The following BRINP3 variants were observed in gnomAD, a reference collection of about 807,000 sequenced individuals.
BRINP3 encodes the protein BMP/retinoic acid inducible neural specific 3, also known as BMP/retinoic acid-inducible neural-specific protein 3.
BRINP3 carries 19 observed loss-of-function variants against 71.0 expected under a neutral mutation model. The observed-to-expected ratio is 0.27, with a 90% CI of 0.19 to 0.39. The LOEUF is 0.39. BRINP3 is among the 10% of genes least tolerant of loss of function. The pLI, the probability that BRINP3 is intolerant of heterozygous loss-of-function variation, is 1.00. For missense variants in BRINP3, 959 were observed against 940.8 expected (o/e 1.02, Z -0.25); for synonymous variants, 380 against 337.7 (o/e 1.13, Z -1.37).
At chr1:190,458,700 G>A (rs767295710) in intron 1 of BRINP3, among the ~76,000 whole-genome samples, 6 of 151,884 alleles carry the variant, frequency 4.0e-5, no homozygotes, top group Non-Finnish European at 5.9e-5. Context: ...TGACAAGTGA[G>A]GTGAACAGCT....
At chr1:190,396,197 A>T (rs538869649) in intron 2 of BRINP3, among the ~76,000 whole-genome samples, 149 of 152,102 alleles carry the variant, frequency 9.8e-4, no homozygotes, top group Non-Finnish European at 1.9e-3. Context: ...CTAGTAAATG[A>T]GTAATGCTGG....
chr1:190,204,382 A>G (rs1655304740), intron 6 of BRINP3, among the ~76,000 whole-genome samples: 1 of 152,026 alleles, frequency 6.6e-6, no homozygotes, highest in Non-Finnish European at 1.5e-5. Context: ...ATAATAAAAA[A>G]TATTTATTTT....
intron 4 of BRINP3, among the ~76,000 whole-genome samples, chr1:190,235,677 T>C (rs1230239834): frequency 6.6e-6 from 1 of 151,980 alleles, no homozygotes; most frequent in Non-Finnish European, 1.5e-5. Context: ...TTCTAGTACC[T>C]GGAACGTTCT....
intron 7 of BRINP3, among the ~76,000 whole-genome samples, chr1:190,104,472 T>A (rs1473519042): frequency 6.6e-6 from 1 of 152,084 alleles, no homozygotes; most frequent in Non-Finnish European, 1.5e-5. Flanking sequence ...TTTAAAGAAA[T>A]ATTGTAGGCA....
chr1:190,436,738 C>T (rs1031736442), intron 2 of BRINP3, among the ~76,000 whole-genome samples: 1 of 151,626 alleles, frequency 6.6e-6, no homozygotes, highest in African/African-American at 2.4e-5. Flanking sequence ...AATCATGAGA[C>T]TCAATTGACT....
intron 2 of BRINP3, among the ~76,000 whole-genome samples, chr1:190,339,894 ATGT>A (rs1667542324): frequency 6.6e-6 from 1 of 151,902 alleles, no homozygotes; most frequent in Non-Finnish European, 1.5e-5. Context: ...ATTGCAAAAG[ATGT>A]TGATTTATTC....
chr1:190,348,557 G>A (rs959566712), intron 2 of BRINP3, among the ~76,000 whole-genome samples: 1 of 152,080 alleles, frequency 6.6e-6, no homozygotes, highest in East Asian at 1.9e-4. Context: ...GTTGTATAAA[G>A]AATTCTAATT....
At chr1:190,168,873 T>C (rs1163824423) in intron 6 of BRINP3, among the ~76,000 whole-genome samples, 1 of 152,158 alleles carries the variant, frequency 6.6e-6, no homozygotes, top group Non-Finnish European at 1.5e-5. Context: ...GGATAATGCT[T>C]CCTCTCTGGC....
chr1:190,304,195 CT>C (rs1395288096), intron 2 of BRINP3, among the ~76,000 whole-genome samples: 1 of 151,616 alleles, frequency 6.6e-6, no homozygotes, highest in East Asian at 1.9e-4. Flanking sequence ...TAAAATGTTT[CT>C]TTTTTAGATT....
At chr1:190,294,335 T>C (rs906842904) in intron 2 of BRINP3, among the ~76,000 whole-genome samples, 3 of 151,710 alleles carry the variant, frequency 2.0e-5, no homozygotes, top group Non-Finnish European at 4.4e-5. Flanking sequence ...CATGGCTCAC[T>C]GCAGACTCGA....
chr1:190,344,799 CAGAGTAT>C (rs1667903666), intron 2 of BRINP3, among the ~76,000 whole-genome samples: 1 of 151,704 alleles, frequency 6.6e-6, no homozygotes, highest in African/African-American at 2.4e-5. Context: ...TATTGCTAGT[CAGAGTAT>C]AAAGTTCAAA....
At chr1:190,466,639 T>A (rs1676770417) in intron 1 of BRINP3, among the ~76,000 whole-genome samples, 1 of 151,624 alleles carries the variant, frequency 6.6e-6, no homozygotes, top group Admixed American at 6.6e-5. Flanking sequence ...CAAATATTAT[T>A]AGTAAACCCC....
chr1:190,223,467 C>G (rs984496828), intron 6 of BRINP3, among the ~76,000 whole-genome samples: 1 of 151,798 alleles, frequency 6.6e-6, no homozygotes, highest in Admixed American at 6.6e-5. Context: ...AACAACAGTT[C>G]ATGATAAAAA....
chr1:190,406,932 C>A (rs768998378), intron 2 of BRINP3, among the ~76,000 whole-genome samples: 1 of 152,002 alleles, frequency 6.6e-6, no homozygotes, highest in African/African-American at 2.4e-5. Context: ...TTTGGTCAAG[C>A]TAGATGCCAT....
At chr1:190,291,441 T>A (rs199778361) in intron 2 of BRINP3, among the ~76,000 whole-genome samples, 6 of 151,552 alleles carry the variant, frequency 4.0e-5, no homozygotes, top group African/African-American at 1.5e-4. Context: ...CTAAAATAAA[T>A]CAATAATAAA....
chr1:190,115,121 T>C (rs1419854387), intron 7 of BRINP3, among the ~76,000 whole-genome samples: 1 of 152,182 alleles, frequency 6.6e-6, no homozygotes, highest in African/African-American at 2.4e-5. Flanking sequence ...TTATTCATGG[T>C]CATAGTCCCC....
chr1:190,224,745 A>G (rs1657187092), intron 6 of BRINP3, among the ~76,000 whole-genome samples: 1 of 152,036 alleles, frequency 6.6e-6, no homozygotes, highest in African/African-American at 2.4e-5. Context: ...TCCAGGGATT[A>G]ATAACCAGAA....
intron 2 of BRINP3, among the ~76,000 whole-genome samples, chr1:190,330,442 T>C (rs1386676880): frequency 6.6e-6 from 1 of 151,900 alleles, no homozygotes; most frequent in Non-Finnish European, 1.5e-5. Flanking sequence ...TACCACTTCA[T>C]ACCAGACATA....
intron 2 of BRINP3, among the ~76,000 whole-genome samples, chr1:190,392,512 T>C (rs1338620572): frequency 6.6e-6 from 1 of 151,666 alleles, no homozygotes; most frequent in Non-Finnish European, 1.5e-5. Flanking sequence ...ATCTCTTATA[T>C]GATACATTGT....
Sources: allele counts gnomAD v4.1 joint callset (sites outside exome capture counted in the v4.1 genomes callset), GRCh38; gene constraint gnomAD v4.1.1; transcripts MANE v1.5; gene names NCBI Gene and HGNC (gene_info 2026-07-23, HGNC 2026-07-21).